The following DENND4C variants were observed in gnomAD, a reference collection of about 807,000 sequenced individuals.
DENND4C encodes DENN domain-containing protein 4C.
In DENND4C, 108 loss-of-function variants were observed where a neutral mutation model predicts 203.0. The ratio of observed to expected loss-of-function variants is 0.53; its 90% CI spans 0.46 to 0.62. The LOEUF is 0.62. Ranked by LOEUF, DENND4C falls within the 20% of genes least tolerant of loss-of-function variation. DENND4C has a pLI of 0.00. For missense variants in DENND4C, 2,481 were observed against 2,301.2 expected (o/e 1.08, Z -1.60); for synonymous variants, 871 against 792.4 (o/e 1.10, Z -1.67).
intron 22 of DENND4C, among the ~76,000 whole-genome samples, chr9:19,344,532 T>G (rs1314083903): frequency 6.6e-6 from 1 of 152,030 alleles, no homozygotes; most frequent in Non-Finnish European, 1.5e-5. Flanking sequence ...TCTCACTCTG[T>G]CGCCTAGGCT....
At position 19,342,644 on chromosome 9, in the gene DENND4C, G is replaced by T; in HGVS notation, c.3016G>T (p.Ala1006Ser). ...ATATTTTTTTCCAGAGGTGTGTGAT[G>T]CCTCTGCTATTGTGGCAAAACATTC... is the stretch of plus-strand genomic sequence containing the variant. ...TKMQTEEVCDASAIVAKHSQP... is the reference protein window; with the variant it reads ...TKMQTEEVCDSSAIVAKHSQP... Residue 1006 changes from alanine (A) to serine (S), a missense_variant, in exon 22 of 33, where the codon GCC becomes TCC. By Grantham distance (99) the Ala-to-Ser change is moderately conservative. Coordinates refer to ENST00000434457, the MANE Select transcript of DENND4C (RefSeq NM_001330640.2). 2 of 1,601,836 alleles carry T rather than the reference G, an allele frequency of 1.2e-6. No individual in the cohort carries two copies. Among genetic ancestry groups the T allele is most frequent in the Admixed American group, 1.8e-5 (1 of 56,968 alleles).
intron 1 of DENND4C, among the ~76,000 whole-genome samples, chr9:19,273,811 C>G (rs1031489365): frequency 2.6e-5 from 4 of 151,944 alleles, no homozygotes; most frequent in Admixed American, 2.6e-4. Flanking sequence ...ACTCTCAAAG[C>G]TGACAAGAGT....
In DENND4C at chr9:19,316,782, A is replaced by G. The variant is rs866980757; in HGVS notation, c.1750A>G (p.Ile584Val). 5 of 1,613,880 alleles carry G rather than the reference A, an allele frequency of 3.1e-6. No individual in the cohort carries two copies. The African/African-American group carries it at 5.3e-5, about 17-fold the overall frequency. ...LKGYRTYLRP[I>V]TEAPSNKATA... is the part of the protein sequence containing the mutation. ...AGGATATAGAACATATCTCAGACCA[A>G]TCACAGAGGCTCCTTCAAATAAAGC... Residue 584 changes from isoleucine (I) to valine (V), a missense_variant, in exon 12 of 33, where the codon ATC (isoleucine) becomes GTC (valine). Around this residue, in one of 3 missense-constraint regions of DENND4C, gnomAD observed 2,289 missense variants for 2,113.3 expected, o/e 1.08. Coordinates refer to ENST00000434457, the MANE Select transcript of DENND4C (RefSeq NM_001330640.2).
rs928480249 is a variant in DENND4C at position 19,373,682 on chromosome 9, TAGGA to T, written c.*1511_*1514del. The T allele has an allele frequency of 2.0e-5, 3 of 152,620 alleles. No homozygotes were observed. The highest frequency in any genetic ancestry group is 7.2e-5 in the African/African-American group (3 of 41,462). 9.5% of individuals were successfully genotyped at this position (152,620 alleles called of 1,614,324 possible). ...CATGCCTTTTATTAAAAATATCCCT[TAGGA>T]ACAGTAAGTTTGCCTTAACTCTCTG... On this transcript the variant is annotated 3_prime_UTR_variant, in exon 33 of 33. Coordinates refer to ENST00000434457, the MANE Select transcript of DENND4C (RefSeq NM_001330640.2).
Position 19,242,954 on chromosome 9 carries a change from TAA to T in DENND4C, c.-18+12122_-18+12123del, listed in dbSNP as rs1335972040. 3.9e-5 allele frequency among the ~76,000 whole-genome samples: 6 copies of T among 152,204 alleles called. No individual in the cohort carries two copies. The East Asian group carries it at 1.2e-3, about 29-fold the overall frequency. The stretch of plus-strand genomic sequence containing the variant: ...CAGGTGTAAGCCACCATGCCTGGCC[TAA>T]GTTTTTCCTTTTTAAAGTTAGCTTT... On this transcript the variant is annotated intron_variant, in intron 1 of 32. Coordinates refer to ENST00000434457, the MANE Select transcript of DENND4C (RefSeq NM_001330640.2).
At position 19,315,618 on chromosome 9, in the gene DENND4C, CAT is replaced by C. The variant is rs1032285009; in HGVS notation, c.1488-794_1488-793del. On this transcript the variant is annotated intron_variant, in intron 10 of 32. Transcript: ENST00000434457. ...GTGTGTGTATATATATACACACACA[CAT>C]ATATTTTATATTTTCGGAATATAAA... 4.4e-3 allele frequency among the ~76,000 whole-genome samples: 657 copies of C among 150,276 alleles called. 3 individuals are homozygous for C. The highest frequency in any genetic ancestry group is 0.015 in the African/African-American group (629 of 40,954).
intron 20 of DENND4C, among the ~76,000 whole-genome samples, chr9:19,339,243 C>G (rs1293807734): frequency 6.6e-6 from 1 of 152,126 alleles, no homozygotes; most frequent in East Asian, 1.9e-4. Flanking sequence ...ACTTTGGTTA[C>G]CAAATTCAGG....
intron 1 of DENND4C, among the ~76,000 whole-genome samples, chr9:19,257,403 C>T (rs923777254): frequency 5.3e-5 from 8 of 150,760 alleles, no homozygotes; most frequent in Non-Finnish European, 1.0e-4. Flanking sequence ...TGTGGGGTAC[C>T]ACTAAAACAT....
rs370968840 is a variant in DENND4C at position 19,358,044 on chromosome 9, G to A, written c.5044G>A (p.Val1682Met). ...GCCTAATAGTTTATCAAAGCGAAAT[G>A]TGTCTTTGACTCGAAGTCACAGTGT... ...SVPNSLSKRN[V>M]SLTRSHSVGG... The change falls in exon 28 of 33, where the codon GTG becomes ATG. Residue 1682 changes from valine (V) to methionine (M), a missense_variant. By Grantham distance (21) the Val-to-Met change is conservative. This residue lies in a region of DENND4C where 2,289 missense variants were observed against 2,113.3 expected (regional missense o/e 1.08). Coordinates refer to ENST00000434457, the MANE Select transcript of DENND4C (RefSeq NM_001330640.2). This position sits in a 1 kb window ranked among gnomAD's most constrained non-coding sequence, Gnocchi z 4.8. The A allele has an allele frequency of 3.7e-6, 6 of 1,613,754 alleles. No homozygotes were observed. In the African/African-American group the frequency reaches 5.3e-5, roughly 14 times the overall value.
intron 1 of DENND4C, among the ~76,000 whole-genome samples, chr9:19,234,862 A>C (rs531341429): frequency 4.0e-5 from 6 of 151,674 alleles, no homozygotes; most frequent in Non-Finnish European, 8.8e-5. Context: ...TACTCTTAAA[A>C]TAATGCTATA....
At chr9:19,342,484 C>A in intron 21 of DENND4C, 149 bp from the exon 22 acceptor site, 1 of 697,562 alleles carries the variant, frequency 1.4e-6, no homozygotes, top group Non-Finnish European at 2.1e-6. Flanking sequence ...TAAAGTAAAC[C>A]AGACACAGTC....
At chr9:19,352,688 C>G in intron 26 of DENND4C, 23 bp downstream of exon 26, 1 of 1,532,498 alleles carries the variant, frequency 6.5e-7, no homozygotes, top group East Asian at 2.3e-5. Context: ...AAAGCTCTCT[C>G]AAGAAGTAAG....
intron 2 of DENND4C, among the ~76,000 whole-genome samples, chr9:19,278,459 A>T (rs1316032193): frequency 6.6e-6 from 1 of 152,062 alleles, no homozygotes. Flanking sequence ...TTGTTCAGGT[A>T]TTAAGGGGTA....
At chr9:19,282,715 C>CTCTTTTTTTTTTTTTT (rs758751945) in intron 2 of DENND4C, among the ~76,000 whole-genome samples, 4 of 86,638 alleles carry the variant, frequency 4.6e-5, no homozygotes, top group Non-Finnish European at 6.3e-5. Flanking sequence ...TTTCTTCTCT[C>CTCTTTTTTTTTTTTTT]TTTTTTTTTT....
chr9:19,304,219 C>G (rs1376362981), intron 9 of DENND4C, among the ~76,000 whole-genome samples: 1 of 143,092 alleles, frequency 7.0e-6, no homozygotes, highest in Non-Finnish European at 1.5e-5. Context: ...GAGTCTTGCT[C>G]TGTTGCCCAG....
In DENND4C at chr9:19,329,191, A is replaced by G. The variant is rs1270701986; in HGVS notation, c.2253+1029A>G. On this transcript the variant is annotated intron_variant, in intron 16 of 32. Transcript: ENST00000434457. Reference sequence around the variant, plus strand: ...AGAATATTTTCATCAACCCCAAAAGAAAGTTTGCATCCTTTAGCCATTAAC... The same window carrying G: ...AGAATATTTTCATCAACCCCAAAAGGAAGTTTGCATCCTTTAGCCATTAAC... 2.6e-5 allele frequency among the ~76,000 whole-genome samples: 4 copies of G among 152,196 alleles called. No individual in the cohort carries two copies. The East Asian group carries it at 7.7e-4, about 29-fold the overall frequency.
intron 20 of DENND4C, 82 bp from the exon 21 acceptor site, chr9:19,340,910 A>AGT: frequency 9.4e-7 from 1 of 1,063,112 alleles, no homozygotes; most frequent in African/African-American, 2.3e-5. Flanking sequence ...TGTGTAGATC[A>AGT]GTGGAATTTT....
intron 1 of DENND4C, among the ~76,000 whole-genome samples, chr9:19,270,120 C>A (rs186052975): frequency 3.4e-4 from 52 of 152,236 alleles, no homozygotes; most frequent in African/African-American, 1.2e-3. Context: ...AAACAAATGG[C>A]ATCGCTCTCC....
rs1829191138 is a variant in DENND4C at position 19,373,585 on chromosome 9, G to A, written c.*1412G>A. 2 of 152,038 alleles carry A rather than the reference G, an allele frequency of 1.3e-5. No homozygotes were observed. Among genetic ancestry groups the A allele is most frequent in the Admixed American group, 1.3e-4 (2 of 15,266 alleles). 9.4% of individuals were successfully genotyped at this position (152,038 alleles called of 1,614,324 possible). ...GTTGAATCAATTAAGTCTTAAAACT[G>A]TAAATTTATTAAGCTTGTTGCCAGT... On this transcript the variant is annotated 3_prime_UTR_variant, in exon 33 of 33. Transcript: ENST00000434457.
Sources: allele counts gnomAD v4.1 joint callset (sites outside exome capture counted in the v4.1 genomes callset), GRCh38; gene constraint gnomAD v4.1.1; regional missense constraint gnomAD v4.1.1; non-coding constraint Gnocchi (gnomAD v3.1); transcripts MANE v1.5; gene names NCBI Gene and HGNC (gene_info 2026-07-23, HGNC 2026-07-21).